The following EFCAB6 variants were observed in gnomAD, a reference collection of about 807,000 sequenced individuals.
EFCAB6 encodes EF-hand calcium binding domain 6.
Under a neutral mutation model 169.8 loss-of-function variants are expected in EFCAB6, and 156 were observed. The ratio of observed to expected loss-of-function variants is 0.92; its 90% CI spans 0.81 to 1.05. The LOEUF (loss-of-function observed/expected upper bound fraction) is 1.05. Ranked by LOEUF, EFCAB6 falls within the 50% of genes least tolerant of loss-of-function variation. EFCAB6 has a pLI of 0.00. For missense variants in EFCAB6, 1,800 were observed against 1,829.1 expected, an observed-to-expected ratio of 0.98 and a Z score of 0.29; for synonymous variants, 698 against 676.4, an observed-to-expected ratio of 1.03 and a Z score of -0.50.
intron 3 of EFCAB6, among the ~76,000 whole-genome samples, chr22:43,778,315 A>G (rs1235987477): frequency 6.6e-6 from 1 of 152,208 alleles, no homozygotes; most frequent in Non-Finnish European, 1.5e-5. Flanking sequence ...ACTGCACCAA[A>G]GGCTGGGGCT....
intron 20 of EFCAB6, among the ~76,000 whole-genome samples, chr22:43,619,565 A>G (rs1002829006): frequency 6.6e-5 from 10 of 152,218 alleles, no homozygotes; most frequent in Admixed American, 1.3e-4. Flanking sequence ...ACTTGAAAGA[A>G]AGAAGAAGGA....
chr22:43,532,718 G>A (rs2146986718), intron 30 of EFCAB6, among the ~76,000 whole-genome samples: 1 of 152,264 alleles, frequency 6.6e-6, no homozygotes, highest in East Asian at 1.9e-4. Context: ...TTTCTGCATG[G>A]CATCTACTTA....
At position 43,795,369 on chromosome 22, in the gene EFCAB6, T is replaced by C. The variant is rs1434343312; in HGVS notation, c.-7-13044A>G. 2.0e-5 allele frequency among the ~76,000 whole-genome samples: 3 copies of C among 152,166 alleles called. No individual in the cohort carries two copies. The East Asian group carries it at 5.8e-4, about 29-fold the overall frequency. On this transcript the variant is annotated intron_variant, in intron 2 of 31. Transcript: ENST00000262726. The surrounding 1 kb of genome is among the most constrained non-coding windows in gnomAD (Gnocchi z 4.2). ...GGGACGATGGAGACATTGATCTTTT[T>C]ATGTTAAATGTTCTTTAATAACCGT... is the stretch of plus-strand genomic sequence containing the variant.
At chr22:43,531,442 TA>T (rs527862029) in intron 30 of EFCAB6, among the ~76,000 whole-genome samples, 85 of 152,126 alleles carry the variant, frequency 5.6e-4, no homozygotes, top group Middle Eastern at 6.8e-3. Flanking sequence ...TGAACAGTGT[TA>T]AAAAAAATTC....
intron 10 of EFCAB6, among the ~76,000 whole-genome samples, chr22:43,710,794 C>T (rs1351145127): frequency 6.6e-6 from 1 of 152,130 alleles, no homozygotes; most frequent in African/African-American, 2.4e-5. Context: ...CCCCCACTCC[C>T]CACAAAATGA....
chr22:43,712,719 G>T (rs543648207), intron 9 of EFCAB6, among the ~76,000 whole-genome samples: 2 of 152,052 alleles, frequency 1.3e-5, no homozygotes, highest in African/African-American at 2.4e-5. Context: ...GGTGTGTAGC[G>T]GGGGCTCGGT....
In EFCAB6 at chr22:43,635,084, G is replaced by A. The variant is rs2055284474; in HGVS notation, c.2098+18C>T. The A allele has an allele frequency of 1.2e-6, 2 of 1,604,962 alleles. No homozygotes were observed. The highest frequency in any genetic ancestry group is 2.7e-5 in the African/African-American group (2 of 74,724). ...CCCAGGACGCATCCCACAGGGTGTG[G>A]ACTTGGCCATTAGCTACCTTCAAAT... On this transcript the variant is annotated intron_variant, in intron 18 of 31. Coordinates refer to ENST00000262726, the MANE Select transcript of EFCAB6 (RefSeq NM_022785.4).
chr22:43,573,646 G>A (rs1362285269), intron 26 of EFCAB6, among the ~76,000 whole-genome samples: 5 of 150,342 alleles, frequency 3.3e-5, no homozygotes, highest in East Asian at 2.0e-4. Flanking sequence ...CAGGAGAATC[G>A]CTTGAACCCA....
chr22:43,564,902 A>T (rs540072887), intron 26 of EFCAB6, among the ~76,000 whole-genome samples: 1 of 152,278 alleles, frequency 6.6e-6, no homozygotes, highest in African/African-American at 2.4e-5. Context: ...CTTGTCAACT[A>T]AAGCCGCAGA....
At chr22:43,629,146 A>G (rs367635129) in intron 19 of EFCAB6, among the ~76,000 whole-genome samples, 9 of 152,342 alleles carry the variant, frequency 5.9e-5, no homozygotes, top group Admixed American at 6.5e-5. Flanking sequence ...AGGTGGGGCC[A>G]GCCTGGATTC....
In EFCAB6 at chr22:43,731,798, A is replaced by C; in HGVS notation, c.658T>G (p.Tyr220Asp). The change falls in exon 8 of 32, where the codon TAC (tyrosine) becomes GAC (aspartate). Residue 220 changes from tyrosine (Y) to aspartate (D), a missense_variant. Physicochemically the swap from Tyr to Asp is radical, Grantham distance 160. Coordinates refer to ENST00000262726, the MANE Select transcript of EFCAB6 (RefSeq NM_022785.4). ...DEEYEKFSKH[Y>D]NIHKDTAVDY... is the part of the protein sequence containing the mutation. ...ACTGCAGTATCCTTGTGGATGTTGTAGTGTTTCGAAAACCTAAAATACAAA... is the reference window on the plus strand; with the variant it reads ...ACTGCAGTATCCTTGTGGATGTTGTCGTGTTTCGAAAACCTAAAATACAAA... The C allele has an allele frequency of 6.4e-7, 1 of 1,573,902 alleles. No homozygotes were observed. Among genetic ancestry groups the C allele is most frequent in the East Asian group, 2.3e-5 (1 of 43,506 alleles).
intron 2 of EFCAB6, among the ~76,000 whole-genome samples, chr22:43,800,118 G>T (rs925548391): frequency 6.6e-6 from 1 of 152,186 alleles, no homozygotes; most frequent in Non-Finnish European, 1.5e-5. Context: ...CCAAATCAGA[G>T]TGTATTTTCA....
chr22:43,690,834 ACTC>A (rs1274457958), intron 10 of EFCAB6, among the ~76,000 whole-genome samples: 1 of 150,452 alleles, frequency 6.6e-6, no homozygotes, highest in Non-Finnish European at 1.5e-5. Flanking sequence ...AGCTAATTCT[ACTC>A]CTCTTTCAGG....
chr22:43,690,202 T>C (rs1355882601), intron 10 of EFCAB6, among the ~76,000 whole-genome samples: 1 of 152,080 alleles, frequency 6.6e-6, no homozygotes, highest in African/African-American at 2.4e-5. Context: ...CCTGATCTTT[T>C]AAAAATGTAA....
At chr22:43,659,968 T>G (rs1018099724) in intron 17 of EFCAB6, among the ~76,000 whole-genome samples, 2 of 152,192 alleles carry the variant, frequency 1.3e-5, no homozygotes, top group African/African-American at 4.8e-5. Context: ...AGCTCCCTAC[T>G]GCATGTCTCA....
At chr22:43,752,535 G>A (rs1320720561) in intron 6 of EFCAB6, among the ~76,000 whole-genome samples, 2 of 152,208 alleles carry the variant, frequency 1.3e-5, no homozygotes, top group Non-Finnish European at 2.9e-5. Context: ...GGTGGTGATT[G>A]AGGTTGGTCC....
rs2056881720 is a variant in EFCAB6 at position 43,659,036 on chromosome 22, C to T, written c.1983+8068G>A. Among the ~76,000 whole-genome samples the T allele has an allele frequency of 2.0e-5, 3 of 152,188 alleles. No individual in the cohort carries two copies. In the South Asian group the frequency reaches 6.2e-4, roughly 32 times the overall value. On this transcript the variant is annotated intron_variant, in intron 17 of 31. Coordinates refer to ENST00000262726, the MANE Select transcript of EFCAB6 (RefSeq NM_022785.4). ...GCCTCACAGCAAGCCTCAGGAACTCCCGCTGTGCCGACAGCAGTCAAAACA... is the reference window on the plus strand; with the variant it reads ...GCCTCACAGCAAGCCTCAGGAACTCTCGCTGTGCCGACAGCAGTCAAAACA...
chr22:43,641,580 C>G (rs2055802490), intron 17 of EFCAB6, among the ~76,000 whole-genome samples: 1 of 149,768 alleles, frequency 6.7e-6, no homozygotes, highest in East Asian at 2.0e-4. Flanking sequence ...TGCGCCTTTA[C>G]ACTCCAGCCT....
intron 9 of EFCAB6, among the ~76,000 whole-genome samples, chr22:43,714,599 C>T (rs4823133): frequency 0.76 from 115,457 of 151,448 alleles, 44,160 homozygotes; most frequent in East Asian, 0.86. Context: ...AGAATTCCGG[C>T]TGACTCCAGG....
Sources: allele counts gnomAD v4.1 joint callset (sites outside exome capture counted in the v4.1 genomes callset), GRCh38; gene constraint gnomAD v4.1.1; non-coding constraint Gnocchi (gnomAD v3.1); transcripts MANE v1.5; gene names NCBI Gene and HGNC (gene_info 2026-07-23, HGNC 2026-07-21).